CNGB1: variants seen among roughly 807,000 people sequenced by gnomAD.
The protein encoded by CNGB1 is cyclic nucleotide gated channel subunit beta 1.
A neutral mutation model predicts 151.7 loss-of-function variants in CNGB1; 126 were observed. That is an observed-to-expected ratio of 0.83 (90% CI 0.72 to 0.96). CNGB1 has a LOEUF of 0.96. Among genes scored for constraint, CNGB1 ranks in the 40% least tolerant of loss-of-function variants. The pLI, the probability that CNGB1 is intolerant of heterozygous loss-of-function variation, is 0.00. For missense variants in CNGB1, 1,698 were observed against 1,627.0 expected (o/e 1.04, Z -0.75); for synonymous variants, 623 against 635.1 (o/e 0.98, Z 0.29).
chr16:57,897,342 A>G, intron 31 of CNGB1, 55 bp downstream of exon 31: 1 of 1,593,386 alleles, frequency 6.3e-7, no homozygotes, highest in Non-Finnish European at 8.6e-7. Flanking sequence ...TGGTTATGTA[A>G]GAGAAATTCA....
rs539075207 is a variant in CNGB1 at position 57,896,154 on chromosome 16, A to T, written c.3242+1243T>A. 2.6e-4 allele frequency among the ~76,000 whole-genome samples: 40 copies of T among 152,356 alleles called. 1 individual carries two copies. The South Asian group carries it at 8.3e-3, about 32-fold the overall frequency. On this transcript the variant is annotated intron_variant, in intron 31 of 32. Coordinates refer to ENST00000251102, the MANE Select transcript of CNGB1 (RefSeq NM_001297.5). ...AGTGGGTAAAAGTTTGACAGGGAAC[A>T]GGATATCCTCATAGTCTGAAGGTGA... is the stretch of plus-strand genomic sequence containing the variant.
chr16:57,924,689 T>A (rs1961138511), intron 17 of CNGB1, among the ~76,000 whole-genome samples: 1 of 152,156 alleles, frequency 6.6e-6, no homozygotes, highest in African/African-American at 2.4e-5. Context: ...TGAATTGTAA[T>A]CCCCAGTGTT....
rs778884136 is a variant in CNGB1, at chr16:57,949,350, TACTC to T, written c.1120_1121+2del. 4 of 1,609,796 alleles carry T rather than the reference TACTC, an allele frequency of 2.5e-6. No homozygotes were observed. The highest frequency in any genetic ancestry group is 2.2e-5 in the South Asian group (2 of 91,074). On this transcript the variant is annotated splice_donor_variant and coding_sequence_variant, in exon 14 of 33. Transcript: ENST00000251102. LOFTEE classifies it high-confidence loss of function. ...TTCCCAGACAGGTGAGCAAATGACT[TACTC>T]AGTCACCTCCTCCTCTTCCTCCTCC...
chr16:57,886,317 C>T (rs1255893159), intron 32 of CNGB1, among the ~76,000 whole-genome samples: 1 of 152,182 alleles, frequency 6.6e-6, no homozygotes, highest in Admixed American at 6.5e-5. Context: ...AGAGCTACCA[C>T]TTAGGAGCCA....
At chr16:57,949,135 G>T (rs576921122) in intron 14 of CNGB1, among the ~76,000 whole-genome samples, 6 of 151,942 alleles carry the variant, frequency 3.9e-5, no homozygotes, top group Non-Finnish European at 7.4e-5. Flanking sequence ...AGTGTGTGTG[G>T]GGGGGGATGT....
Position 57,964,559 on chromosome 16 carries a change from C to T in CNGB1, c.160-15G>A. 1 of 1,614,040 alleles carries T rather than the reference C, an allele frequency of 6.2e-7. No individual in the cohort carries two copies. Reference sequence around the variant, plus strand: ...TCTTCGGGGGGCTAGAGGGTTCGAACAGGATCATGTAAGTCCTAGGTGAGA... The same window carrying T: ...TCTTCGGGGGGCTAGAGGGTTCGAATAGGATCATGTAAGTCCTAGGTGAGA... On this transcript the variant is annotated splice_polypyrimidine_tract_variant and intron_variant, in intron 2 of 32. Transcript: ENST00000251102.
chr16:57,951,793 A>G (rs1404865672), intron 12 of CNGB1, among the ~76,000 whole-genome samples: 1 of 152,240 alleles, frequency 6.6e-6, no homozygotes, highest in Non-Finnish European at 1.5e-5. Flanking sequence ...ACTGAGACAC[A>G]GATAAATACC....
At chr16:57,904,553 G>A (rs879335269) in intron 26 of CNGB1, among the ~76,000 whole-genome samples, 181 bp downstream of exon 26, 2 of 152,114 alleles carry the variant, frequency 1.3e-5, no homozygotes, top group Non-Finnish European at 2.9e-5. Context: ...GAATAGGGCC[G>A]AGTTCACCAC....
At chr16:57,900,491 C>T (rs1021765037) in intron 29 of CNGB1, among the ~76,000 whole-genome samples, 10 of 152,172 alleles carry the variant, frequency 6.6e-5, no homozygotes, top group Non-Finnish European at 1.3e-4. Context: ...GGGTTCCTGA[C>T]CCCTCCCGTC....
chr16:57,970,096 G>A (rs1053004866), intron 1 of CNGB1, among the ~76,000 whole-genome samples: 3 of 152,254 alleles, frequency 2.0e-5, no homozygotes, highest in Admixed American at 6.5e-5. Context: ...CCTCTCCCAC[G>A]AGAGGCTGTG....
intron 16 of CNGB1, among the ~76,000 whole-genome samples, chr16:57,936,056 C>T (rs1161156311): frequency 3.9e-5 from 6 of 152,168 alleles, no homozygotes; most frequent in African/African-American, 1.4e-4. Context: ...GGCAAGCAGG[C>T]ATGTCTGGCT....
intron 32 of CNGB1, among the ~76,000 whole-genome samples, chr16:57,886,548 A>G (rs1959933731): frequency 6.6e-6 from 1 of 152,126 alleles, no homozygotes. Context: ...GATGTCACTC[A>G]CCAGACTTCT....
chr16:57,906,782 A>G (rs1288520598), intron 25 of CNGB1, among the ~76,000 whole-genome samples: 2 of 151,894 alleles, frequency 1.3e-5, no homozygotes, highest in African/African-American at 4.8e-5. Context: ...TTTACCCCAA[A>G]CCCTTCCTAG....
rs56237907 is a variant in CNGB1 at position 57,967,096 on chromosome 16, C to T, written c.159+32G>A. ...CTGGGAAGACCCTGAGCAGCGAGGC[C>T]GGCCTGCCCCTCCTCCCGCTCTACC... On this transcript the variant is annotated intron_variant, in intron 2 of 32. Coordinates refer to ENST00000251102, the MANE Select transcript of CNGB1 (RefSeq NM_001297.5). 6.0e-3 allele frequency: 9,678 copies of T among 1,613,826 alleles called. 480 individuals are homozygous for T. In the African/African-American group the frequency reaches 0.11, roughly 19 times the overall value.
At position 57,916,590 on chromosome 16, in the gene CNGB1, C is replaced by T. The variant is rs74562737; in HGVS notation, c.2167-411G>A. Among the ~76,000 whole-genome samples, 1,228 of 152,296 alleles carry T rather than the reference C, an allele frequency of 8.1e-3. 15 individuals carry two copies. The highest frequency in any genetic ancestry group is 0.028 in the African/African-American group (1,157 of 41,566). ...CAAGGAAAATCGTTTACAGGCAAAA[C>T]CTGAGCTTGTCTGCACACAGCAAAA... On this transcript the variant is annotated intron_variant, in intron 21 of 32. Transcript: ENST00000251102.
At chr16:57,940,952 G>A (rs1199275507) in intron 14 of CNGB1, among the ~76,000 whole-genome samples, 2 of 152,070 alleles carry the variant, frequency 1.3e-5, no homozygotes, top group African/African-American at 4.8e-5. Context: ...CAGTGGGCAG[G>A]GAGGGCTGTG....
intron 16 of CNGB1, among the ~76,000 whole-genome samples, chr16:57,939,193 G>A (rs750996562): frequency 2.5e-4 from 38 of 152,138 alleles, no homozygotes; most frequent in Middle Eastern, 3.2e-3. Context: ...GCGCCACTGG[G>A]AGTCCTGGGC....
chr16:57,922,647 T>G (rs1290780268), intron 18 of CNGB1, among the ~76,000 whole-genome samples: 1 of 151,986 alleles, frequency 6.6e-6, no homozygotes, highest in Non-Finnish European at 1.5e-5. Context: ...CAGGCTAGTC[T>G]CGAACTCCTG....
Position 57,950,393 on chromosome 16 carries a change from T to C in CNGB1, c.1022A>G (p.Glu341Gly), listed in dbSNP as rs1425281590. Residue 341 changes from glutamate to glycine, a missense_variant, in exon 13 of 33, where the codon GAG becomes GGG. Transcript: ENST00000251102. ...PAYEEENKAV[E>G]KMPRELSRIE... ...TCAGACTCCCCACCTGGGCATCTTC[T>C]CCACAGCTTTGTTCTCTTCTTCATA... 6.2e-7 allele frequency: 1 copy of C among 1,614,230 alleles called. No individual in the cohort carries two copies. Among genetic ancestry groups the C allele is most frequent in the Admixed American group, 1.7e-5 (1 of 60,028 alleles).
Sources: allele counts gnomAD v4.1 joint callset (sites outside exome capture counted in the v4.1 genomes callset), GRCh38; gene constraint gnomAD v4.1.1; transcripts MANE v1.5; gene names NCBI Gene and HGNC (gene_info 2026-07-23, HGNC 2026-07-21).